The following TNFSF18 variants were observed in gnomAD, a reference collection of about 807,000 sequenced individuals.
TNFSF18 encodes the protein tumor necrosis factor ligand superfamily member 18.
In TNFSF18, 6 loss-of-function variants were observed where a neutral mutation model predicts 9.6. The ratio of observed to expected loss-of-function variants is 0.63; its 90% CI spans 0.34 to 1.24. The LOEUF is 1.24. Ranked by LOEUF, TNFSF18 falls within the 50% of genes most tolerant of loss-of-function variation. TNFSF18 has a pLI of 0.03. For synonymous variants in TNFSF18, 68 were observed against 71.7 expected, an observed-to-expected ratio of 0.95 and a Z score of 0.26; for missense variants, 210 against 201.0, an observed-to-expected ratio of 1.04 and a Z score of -0.27.
intron 1 of TNFSF18, among the ~76,000 whole-genome samples, chr1:173,050,151 T>C (rs955259704): frequency 6.6e-6 from 1 of 152,114 alleles, no homozygotes; most frequent in Non-Finnish European, 1.5e-5. Context: ...TCATAATAAA[T>C]CCATTCCCCT....
chr1:173,050,025 C>G (rs1665143762), intron 1 of TNFSF18, among the ~76,000 whole-genome samples: 1 of 152,096 alleles, frequency 6.6e-6, no homozygotes, highest in South Asian at 2.1e-4. Flanking sequence ...TGAAGTCTTC[C>G]CTGATCAACT....
At chr1:173,042,766 A>G (rs1366008976) in intron 2 of TNFSF18, among the ~76,000 whole-genome samples, 1 of 152,126 alleles carries the variant, frequency 6.6e-6, no homozygotes, top group Non-Finnish European at 1.5e-5. Flanking sequence ...GCAATTCTCC[A>G]TAATTTTTGT....
In TNFSF18 at chr1:173,050,933, A is replaced by T. The variant is rs185993550; in HGVS notation, c.-37T>A. ...TGAGAGCTGTGGAAAACAAAAATTC[A>T]CAAGTGATGGGTGAAGGATGCAATG... On this transcript the variant is annotated 5_prime_UTR_variant, in exon 1 of 3. Coordinates refer to ENST00000404377, the MANE Select transcript of TNFSF18 (RefSeq NM_005092.4). 5,800 of 1,613,666 alleles carry T rather than the reference A, an allele frequency of 3.6e-3. 18 individuals carry two copies. Among genetic ancestry groups the T allele is most frequent in the Non-Finnish European group, 4.3e-3 (5,111 of 1,179,736 alleles).
At position 173,041,382 on chromosome 1, in the gene TNFSF18, G is replaced by A; in HGVS notation, c.519C>T (p.Pro173=). 5 of 1,607,268 alleles carry A rather than the reference G, an allele frequency of 3.1e-6. No individual in the cohort carries two copies. Among genetic ancestry groups the A allele is most frequent in the Non-Finnish European group, 4.3e-6 (5 of 1,176,388 alleles). ...AATCAAGTCTCTAGGAGATGAATTG[G>A]GGATTTGCTAGTAAAATGATACCCC... The part of the protein sequence containing the change: ...TYWGIILLAN[P]QFIS Residue 173 remains proline (P), a synonymous_variant, in exon 3 of 3, where the codon CCC becomes CCT. Coordinates refer to ENST00000404377, the MANE Select transcript of TNFSF18 (RefSeq NM_005092.4).
chr1:173,049,269 A>C (rs1362798330), intron 1 of TNFSF18, among the ~76,000 whole-genome samples: 2 of 152,308 alleles, frequency 1.3e-5, no homozygotes, highest in Admixed American at 1.3e-4. Context: ...GGAACTGATG[A>C]TGCTTATATT....
intron 2 of TNFSF18, 110 bp from the exon 3 acceptor site, chr1:173,041,823 T>TCGCCCACCGA: frequency 4.8e-6 from 4 of 835,042 alleles, no homozygotes; most frequent in South Asian, 5.4e-5. Context: ...TTTCTTTACC[T>TCGCCCACCGA]GATCTACACT....
intron 1 of TNFSF18, among the ~76,000 whole-genome samples, chr1:173,045,718 T>C (rs565844761): frequency 2.0e-5 from 3 of 152,112 alleles, no homozygotes; most frequent in East Asian, 3.9e-4. Context: ...TTGATGGAAA[T>C]GTTTCTGTAA....
intron 1 of TNFSF18, among the ~76,000 whole-genome samples, chr1:173,047,058 AT>A (rs573305320): frequency 2.0e-5 from 3 of 151,342 alleles, no homozygotes; most frequent in African/African-American, 4.9e-5. Flanking sequence ...AAGCCCAGCT[AT>A]TTTTTTTGTA....
Position 173,040,151 on chromosome 1 carries a change from C to T in TNFSF18, c.*1216G>A, listed in dbSNP as rs1172305223. 2.6e-5 allele frequency: 4 copies of T among 151,796 alleles called. No homozygotes were observed. The highest frequency in any genetic ancestry group is 5.9e-5 in the Non-Finnish European group (4 of 67,984). 9.4% of individuals were successfully genotyped at this position (151,796 alleles called of 1,614,324 possible). A position where few individuals can be genotyped will look rare whatever the true frequency, so the allele number is the denominator to read the frequency against. On this transcript the variant is annotated 3_prime_UTR_variant, in exon 3 of 3. Coordinates refer to ENST00000404377, the MANE Select transcript of TNFSF18 (RefSeq NM_005092.4). ...TTAGCACATTTGACTAAGATGGGCC[C>T]TGCAAAGTGAAGAGGGGAATTTGGT...
chr1:173,049,534 T>A (rs2101928943), intron 1 of TNFSF18, among the ~76,000 whole-genome samples: 1 of 152,274 alleles, frequency 6.6e-6, no homozygotes, highest in East Asian at 1.9e-4. Context: ...AGTTATGGAA[T>A]ACAAATTAAT....
chr1:173,041,418 A>AT lies in TNFSF18; in HGVS notation c.482dup (p.Asn161LysfsTer2). Reference sequence around the variant, plus strand: ...GTAAAATGATACCCCAGTATGTATTATTTTTTAGAACCTGATGCTCAGAGT... The same window carrying AT: ...GTAAAATGATACCCCAGTATGTATTATTTTTTTAGAACCTGATGCTCAGAGT... On this transcript the variant is annotated frameshift_variant, in exon 3 of 3. Coordinates refer to ENST00000404377, the MANE Select transcript of TNFSF18 (RefSeq NM_005092.4). LOFTEE classifies it high-confidence loss of function. 1 of 1,613,204 alleles carries AT rather than the reference A, an allele frequency of 6.2e-7. No homozygotes were observed. The highest frequency in any genetic ancestry group is 8.5e-7 in the Non-Finnish European group (1 of 1,179,504).
Position 173,041,441 on chromosome 1 carries a change from A to G in TNFSF18, c.460T>C (p.Ser154Pro), listed in dbSNP as rs1664988578. ...TTATTTTTTAGAACCTGATGCTCAGAGTTGAATATCAAGTCTATGGTGTCC... is the reference window on the plus strand; with the variant it reads ...TTATTTTTTAGAACCTGATGCTCAGGGTTGAATATCAAGTCTATGGTGTCC... The part of the protein sequence containing the change: ...VGDTIDLIFN[S>P]EHQVLKNNTY... The change falls in exon 3 of 3, where the codon TCT becomes CCT. Residue 154 changes from serine to proline, a missense_variant. By Grantham distance (74) the Ser-to-Pro change is moderately conservative. Coordinates refer to ENST00000404377, the MANE Select transcript of TNFSF18 (RefSeq NM_005092.4). 2 of 1,613,520 alleles carry G rather than the reference A, an allele frequency of 1.2e-6. No individual in the cohort carries two copies. The highest frequency in any genetic ancestry group is 2.2e-5 in the South Asian group (2 of 91,040).
intron 1 of TNFSF18, among the ~76,000 whole-genome samples, chr1:173,045,327 A>T (rs1665063355): frequency 6.6e-6 from 1 of 152,206 alleles, no homozygotes; most frequent in Non-Finnish European, 1.5e-5. Context: ...AAAGGAAACT[A>T]GGAGAGTCTG....
intron 1 of TNFSF18, among the ~76,000 whole-genome samples, chr1:173,049,924 C>G (rs1465187509): frequency 1.3e-5 from 2 of 152,142 alleles, no homozygotes; most frequent in African/African-American, 4.8e-5. Context: ...ATCCCATTCT[C>G]TAGGCCCACA....
chr1:173,043,464 T>C (rs981247728), intron 2 of TNFSF18, among the ~76,000 whole-genome samples: 1 of 152,174 alleles, frequency 6.6e-6, no homozygotes, highest in African/African-American at 2.4e-5. Flanking sequence ...GAAGCTAAGC[T>C]TAGAAGAGAA....
intron 2 of TNFSF18, among the ~76,000 whole-genome samples, chr1:173,042,982 C>T (rs1665016767): frequency 6.6e-6 from 1 of 152,106 alleles, no homozygotes; most frequent in Non-Finnish European, 1.5e-5. Context: ...TTTCTTCTTC[C>T]TTGACATGTA....
At position 173,041,285 on chromosome 1, in the gene TNFSF18, G is replaced by C; in HGVS notation, c.*82C>G. The C allele has an allele frequency of 8.6e-7, 1 of 1,158,518 alleles. No individual in the cohort carries two copies. Among genetic ancestry groups the C allele is most frequent in the Non-Finnish European group, 1.2e-6 (1 of 817,062 alleles). The allele number at this position is 1,158,518 out of a possible 1,614,324, so 71.8% of individuals were successfully genotyped here. A position where few individuals can be genotyped will look rare whatever the true frequency, so the allele number is the denominator to read the frequency against. ...GATTTTTGTAGACAGACAAACTCTA[G>C]AAATTGAATATCTTCTCCCTCCAAT... On this transcript the variant is annotated 3_prime_UTR_variant, in exon 3 of 3. Coordinates refer to ENST00000404377, the MANE Select transcript of TNFSF18 (RefSeq NM_005092.4).
chr1:173,043,911 TA>T, intron 2 of TNFSF18, 27 bp downstream of exon 2: 1 of 1,603,596 alleles, frequency 6.2e-7, no homozygotes, highest in Non-Finnish European at 8.5e-7. Flanking sequence ...CTAAGAAAAG[TA>T]AAAGACATGC....
intron 2 of TNFSF18, among the ~76,000 whole-genome samples, chr1:173,042,946 C>G (rs1046319035): frequency 2.6e-5 from 4 of 152,132 alleles, no homozygotes; most frequent in African/African-American, 9.7e-5. Context: ...CACCCAGTAT[C>G]GCCAATGAGC....
Sources: gnomAD v4.1 joint callset for allele counts (sites outside exome capture counted in the v4.1 genomes callset) on GRCh38, gnomAD v4.1.1 for gene constraint, MANE v1.5 for transcripts, NCBI Gene and HGNC (gene_info 2026-07-23, HGNC 2026-07-21) for gene names.